The following KDM2A variants were observed in gnomAD, a reference collection of about 807,000 sequenced individuals.
KDM2A encodes the protein lysine-specific demethylase 2A.
KDM2A carries 3 observed loss-of-function variants against 137.3 expected under a neutral mutation model. That is an observed-to-expected ratio of 0.02 (90% CI 0.01 to 0.06). KDM2A has a LOEUF of 0.06. Among genes scored for constraint, KDM2A ranks in the 10% least tolerant of loss-of-function variants. The pLI is 1.00. For synonymous variants in KDM2A, 512 were observed against 541.5 expected, an observed-to-expected ratio of 0.95 and a Z score of 0.76; for missense variants, 738 against 1,510.6, an observed-to-expected ratio of 0.49 and a Z score of 8.48.
At chr11:67,248,014 TAATA>T (rs1252289645) in intron 15 of KDM2A, among the ~76,000 whole-genome samples, 1 of 152,206 alleles carries the variant, frequency 6.6e-6, no homozygotes, top group Non-Finnish European at 1.5e-5. Flanking sequence ...AAAGTGAAGG[TAATA>T]ATATCAGCCA....
At chr11:67,204,988 C>A (rs1167052807) in intron 5 of KDM2A, among the ~76,000 whole-genome samples, 1 of 152,086 alleles carries the variant, frequency 6.6e-6, no homozygotes, top group Non-Finnish European at 1.5e-5. Flanking sequence ...TTTGTTTGAA[C>A]ACCTTGTTCA....
At chr11:67,132,723 G>T (rs1855881512) in intron 2 of KDM2A, among the ~76,000 whole-genome samples, 1 of 152,164 alleles carries the variant, frequency 6.6e-6, no homozygotes, top group Non-Finnish European at 1.5e-5. Flanking sequence ...AACTCTTAAG[G>T]CAGTGGTTTT....
intron 2 of KDM2A, among the ~76,000 whole-genome samples, chr11:67,175,560 G>C (rs1856957944): frequency 6.6e-6 from 1 of 152,208 alleles, no homozygotes; most frequent in South Asian, 2.1e-4. Context: ...ATGGCTTGGA[G>C]ACAGAAGCCT....
At chr11:67,175,661 C>G (rs1342524163) in intron 2 of KDM2A, among the ~76,000 whole-genome samples, 1 of 152,080 alleles carries the variant, frequency 6.6e-6, no homozygotes, top group Non-Finnish European at 1.5e-5. Context: ...GAACTTTTTG[C>G]CTATCATATT....
At chr11:67,123,066 G>A (rs1252857963) in intron 2 of KDM2A, among the ~76,000 whole-genome samples, 2 of 151,840 alleles carry the variant, frequency 1.3e-5, no homozygotes, top group African/African-American at 4.8e-5. Context: ...AAATTCCTGG[G>A]CTCAAGCAAT....
chr11:67,123,275 CTTTTTTTTTT>C (rs575165830), intron 2 of KDM2A, among the ~76,000 whole-genome samples: 2,048 of 71,576 alleles, frequency 0.029, 63 homozygotes, highest in African/African-American at 0.1. Context: ...CAGTACCTGG[CTTTTTTTTTT>C]TTTTTTTTTT....
intron 2 of KDM2A, among the ~76,000 whole-genome samples, chr11:67,134,919 A>G (rs534871739): frequency 6.6e-6 from 1 of 152,298 alleles, no homozygotes; most frequent in Non-Finnish European, 1.5e-5. Flanking sequence ...TTGAATTTTC[A>G]CAAAACTAAC....
At chr11:67,253,839 G>A (rs1336045179) in intron 19 of KDM2A, among the ~76,000 whole-genome samples, 2 of 152,172 alleles carry the variant, frequency 1.3e-5, no homozygotes, top group East Asian at 1.9e-4. Flanking sequence ...TGGAGTTTGG[G>A]GCCCAGAGAG....
intron 5 of KDM2A, among the ~76,000 whole-genome samples, chr11:67,205,607 G>C (rs1857779678): frequency 6.6e-6 from 1 of 151,640 alleles, no homozygotes; most frequent in South Asian, 2.1e-4. Context: ...TTTTGTATTT[G>C]TATTTGTATT....
intron 2 of KDM2A, among the ~76,000 whole-genome samples, chr11:67,163,412 A>AATTT (rs1856676308): frequency 6.6e-6 from 1 of 152,190 alleles, no homozygotes. Context: ...AAAGGTATGG[A>AATTT]CTTGGAAAAT....
chr11:67,214,486 G>A (rs1858100226), intron 6 of KDM2A, among the ~76,000 whole-genome samples: 1 of 152,132 alleles, frequency 6.6e-6, no homozygotes, highest in Non-Finnish European at 1.5e-5. Flanking sequence ...TTACAGGCGT[G>A]AGCCACTGCA....
chr11:67,177,773 G>A (rs980721846), intron 2 of KDM2A, among the ~76,000 whole-genome samples: 2 of 151,876 alleles, frequency 1.3e-5, no homozygotes, highest in African/African-American at 4.8e-5. Flanking sequence ...TACATAAACC[G>A]GTACACAGTC....
rs773837294 is a variant in KDM2A at position 67,250,762 on chromosome 11, G to A, written c.2732G>A (p.Cys911Tyr). 1.9e-6 allele frequency: 3 copies of A among 1,543,100 alleles called. No homozygotes were observed. The highest frequency in any genetic ancestry group is 2.3e-5 in the East Asian group (1 of 44,262). ...CGCTACCTCAGCCGCAGAGAACTTT[G>A]TGAATGTATGCGAGTGTGCAAGACG... ...VFRYLSRREL[C>Y]ECMRVCKTWY... The change falls in exon 17 of 21, where the codon TGT (cysteine) becomes TAT (tyrosine). Residue 911 changes from cysteine to tyrosine, a missense_variant. Physicochemically the swap from Cys to Tyr is radical, Grantham distance 194. Coordinates refer to ENST00000529006, the MANE Select transcript of KDM2A (RefSeq NM_012308.3). The surrounding 1 kb of genome is among the most constrained non-coding windows in gnomAD (Gnocchi z 7.1).
chr11:67,128,441 A>G (rs925672313), intron 2 of KDM2A, among the ~76,000 whole-genome samples: 4 of 152,046 alleles, frequency 2.6e-5, no homozygotes, highest in African/African-American at 9.7e-5. Flanking sequence ...TATGTGGTCT[A>G]CATTGTTGAA....
chr11:67,191,144 A>G (rs1398744976), intron 5 of KDM2A, among the ~76,000 whole-genome samples: 1 of 152,088 alleles, frequency 6.6e-6, no homozygotes, highest in Non-Finnish European at 1.5e-5. Flanking sequence ...CCTGGGTTCA[A>G]GCGATTCCCT....
intron 2 of KDM2A, among the ~76,000 whole-genome samples, chr11:67,163,112 T>C (rs568127609): frequency 6.6e-6 from 1 of 152,336 alleles, no homozygotes; most frequent in African/African-American, 2.4e-5. Flanking sequence ...CTAGTCAGAC[T>C]GATATCCAGA....
intron 2 of KDM2A, among the ~76,000 whole-genome samples, chr11:67,163,066 T>A (rs1856668909): frequency 6.6e-6 from 1 of 152,188 alleles, no homozygotes; most frequent in South Asian, 2.1e-4. Flanking sequence ...TGTTAGTTAC[T>A]TCTCTTCTCC....
intron 2 of KDM2A, 69 bp downstream of exon 2, chr11:67,121,427 G>C: frequency 6.9e-7 from 1 of 1,453,646 alleles, no homozygotes; most frequent in Non-Finnish European, 9.7e-7. Flanking sequence ...TTCCAGTTGT[G>C]AATATACTGT....
chr11:67,162,608 G>A (rs1468826825), intron 2 of KDM2A, among the ~76,000 whole-genome samples: 1 of 152,122 alleles, frequency 6.6e-6, no homozygotes, highest in African/African-American at 2.4e-5. Context: ...GTTTCACTAT[G>A]TTGGCCAGAC....
Sources: allele counts gnomAD v4.1 joint callset (sites outside exome capture counted in the v4.1 genomes callset), GRCh38; gene constraint gnomAD v4.1.1; non-coding constraint Gnocchi (gnomAD v3.1); transcripts MANE v1.5; gene names NCBI Gene and HGNC (gene_info 2026-07-23, HGNC 2026-07-21).